The following EFCAB11 variants were observed in gnomAD, a reference collection of about 807,000 sequenced individuals.
EFCAB11 encodes the protein EF-hand calcium binding domain 11, also known as EF-hand calcium-binding domain-containing protein 11.
EFCAB11 carries 14 observed loss-of-function variants against 23.0 expected under a neutral mutation model. The ratio of observed to expected loss-of-function variants is 0.61; its 90% confidence interval spans 0.40 to 0.95. EFCAB11 has a LOEUF of 0.95. Ranked by LOEUF, EFCAB11 falls within the 40% of genes least tolerant of loss-of-function variation. EFCAB11 has a pLI of 0.00. For missense variants in EFCAB11, 198 were observed against 195.8 expected (o/e 1.01, Z -0.07); for synonymous variants, 65 against 66.6 (o/e 0.98, Z 0.11).
Position 89,951,375 on chromosome 14 carries a change from G to A in EFCAB11, c.172-1233C>T, listed in dbSNP as rs949669263. On this transcript the variant is annotated intron_variant, in intron 2 of 5. Transcript: ENST00000316738. ...GTGTTCCTAGATACTTATCAGAGTAGTCTATCTTCTCTAGTCTAAATGACC... is the reference window on the plus strand; with the variant it reads ...GTGTTCCTAGATACTTATCAGAGTAATCTATCTTCTCTAGTCTAAATGACC... 4.6e-5 allele frequency among the ~76,000 whole-genome samples: 7 copies of A among 152,226 alleles called. No individual in the cohort carries two copies. In the East Asian group the frequency reaches 1.4e-3, roughly 29 times the overall value.
At chr14:89,893,797 A>C (rs1317099156) in intron 5 of EFCAB11, among the ~76,000 whole-genome samples, 1 of 151,552 alleles carries the variant, frequency 6.6e-6, no homozygotes, top group Non-Finnish European at 1.5e-5. Flanking sequence ...AAACAAACAA[A>C]CAAAAAAAAA....
Position 89,931,592 on chromosome 14 carries a change from A to G in EFCAB11, c.359T>C (p.Phe120Ser). 1 of 1,614,128 alleles carries G rather than the reference A, an allele frequency of 6.2e-7. No homozygotes were observed. Among genetic ancestry groups the G allele is most frequent in the Non-Finnish European group, 8.5e-7 (1 of 1,180,002 alleles). ...CGGTAATTTGGGAGCCACCTGCCTAAATGCTTTTTTGAAATCTTCCAAAGT... is the reference window on the plus strand; with the variant it reads ...CGGTAATTTGGGAGCCACCTGCCTAGATGCTTTTTTGAAATCTTCCAAAGT... ...FLTLEDFKKA[F>S]RQVAPKLPER... is the part of the protein sequence containing the mutation. Residue 120 changes from phenylalanine (F) to serine (S), a missense_variant, in exon 5 of 6, where the codon TTT becomes TCT. Coordinates refer to ENST00000316738, the MANE Select transcript of EFCAB11 (RefSeq NM_145231.4).
Position 89,946,717 on chromosome 14 carries a change from G to A in EFCAB11, c.217+3380C>T, listed in dbSNP as rs1284691350. 3.3e-5 allele frequency among the ~76,000 whole-genome samples: 5 copies of A among 150,930 alleles called. No individual in the cohort carries two copies. The South Asian group carries it at 6.3e-4, about 19-fold the overall frequency. On this transcript the variant is annotated intron_variant, in intron 3 of 5. Transcript: ENST00000316738. ...CCCAGGTAGCTAAGATTACAGGCACGTGCCATCATGCCTGGCTTTTTTTTT... is the reference window on the plus strand; with the variant it reads ...CCCAGGTAGCTAAGATTACAGGCACATGCCATCATGCCTGGCTTTTTTTTT...
intron 5 of EFCAB11, among the ~76,000 whole-genome samples, chr14:89,825,374 C>T (rs1023938057): frequency 6.6e-6 from 1 of 151,872 alleles, no homozygotes; most frequent in Non-Finnish European, 1.5e-5. Context: ...GTTTTAAATG[C>T]CTACATTTGA....
intron 5 of EFCAB11, among the ~76,000 whole-genome samples, chr14:89,825,540 G>C (rs1455881595): frequency 6.6e-6 from 1 of 152,046 alleles, no homozygotes; most frequent in Admixed American, 6.6e-5. Context: ...ACTAAAAGAT[G>C]CCTCTTTAAA....
chr14:89,928,960 T>C lies in EFCAB11; in HGVS notation c.410+2581A>G, dbSNP rs1003590968. 6.7e-5 allele frequency among the ~76,000 whole-genome samples: 10 copies of C among 148,478 alleles called. No homozygotes were observed. The South Asian group carries it at 2.1e-3, about 31-fold the overall frequency. ...ATAGTTCAATATATAATTATATATATAATTCAATAGCTTTAATACATTTTC... is the reference window on the plus strand; with the variant it reads ...ATAGTTCAATATATAATTATATATACAATTCAATAGCTTTAATACATTTTC... On this transcript the variant is annotated intron_variant, in intron 5 of 5. Transcript: ENST00000316738.
Position 89,859,111 on chromosome 14 carries a change from C to T in EFCAB11, c.411-61787G>A, listed in dbSNP as rs117363750. Among the ~76,000 whole-genome samples, 421 of 152,256 alleles carry T rather than the reference C, an allele frequency of 2.8e-3. 3 individuals carry two copies. The highest frequency in any genetic ancestry group is 4.6e-3 in the Non-Finnish European group (316 of 68,024). On this transcript the variant is annotated intron_variant, in intron 5 of 5. Coordinates refer to ENST00000316738, the MANE Select transcript of EFCAB11 (RefSeq NM_145231.4). ...AATTGTAAAAATCAGGCAAATAAAG[C>T]AGAGTAGTCCTAGCCAAAATTATTA...
At chr14:89,835,472 C>A (rs1005318796) in intron 5 of EFCAB11, among the ~76,000 whole-genome samples, 12 of 151,822 alleles carry the variant, frequency 7.9e-5, no homozygotes, top group Non-Finnish European at 1.6e-4. Context: ...AAAGTTTTGA[C>A]TGCAACCAGT....
rs1290585788 is a variant in EFCAB11, at chr14:89,950,095, AC to A, written c.217+1del. On this transcript the variant is annotated splice_donor_variant, in intron 3 of 5. Coordinates refer to ENST00000316738, the MANE Select transcript of EFCAB11 (RefSeq NM_145231.4). LOFTEE classifies it high-confidence loss of function. Reference sequence around the variant, plus strand: ...AAAAATTAATATTAACTTTCATATTACCAGAAGTATTTGGATTTATTGAAGA... The same window carrying A: ...AAAAATTAATATTAACTTTCATATTACAGAAGTATTTGGATTTATTGAAGA... 5 of 1,550,684 alleles carry A rather than the reference AC, an allele frequency of 3.2e-6. No individual in the cohort carries two copies. In the Admixed American group the frequency reaches 8.8e-5, roughly 27 times the overall value.
intron 5 of EFCAB11, among the ~76,000 whole-genome samples, chr14:89,893,529 C>T (rs1889050080): frequency 6.6e-6 from 1 of 152,028 alleles, no homozygotes; most frequent in African/African-American, 2.4e-5. Context: ...TGGGAAAGGC[C>T]CTCCCTTCAG....
At chr14:89,948,220 C>T (rs1376797716) in intron 3 of EFCAB11, among the ~76,000 whole-genome samples, 1 of 152,128 alleles carries the variant, frequency 6.6e-6, no homozygotes, top group Non-Finnish European at 1.5e-5. Flanking sequence ...AAATGGCAAA[C>T]AGGCATATGT....
At chr14:89,849,897 C>T (rs2150304) in intron 5 of EFCAB11, among the ~76,000 whole-genome samples, 96,568 of 151,976 alleles carry the variant, frequency 0.64, 33,143 homozygotes, top group Non-Finnish European at 0.79. Context: ...ATAAATTCTA[C>T]GCTATCATTA....
At chr14:89,890,686 G>T (rs1263360139) in intron 5 of EFCAB11, among the ~76,000 whole-genome samples, 1 of 152,166 alleles carries the variant, frequency 6.6e-6, no homozygotes, top group Non-Finnish European at 1.5e-5. Context: ...AAAAAGAGCT[G>T]CCAGGCCAAA....
intron 3 of EFCAB11, among the ~76,000 whole-genome samples, chr14:89,933,985 T>G (rs116201180): frequency 0.034 from 5,219 of 152,040 alleles, 304 homozygotes; most frequent in African/African-American, 0.12. Context: ...GAGGCTGTTG[T>G]GTGGCAAGGT....
At chr14:89,851,834 T>C (rs1421761561) in intron 5 of EFCAB11, among the ~76,000 whole-genome samples, 1 of 152,126 alleles carries the variant, frequency 6.6e-6, no homozygotes, top group Non-Finnish European at 1.5e-5. Flanking sequence ...GGAAGAGGGA[T>C]GGCAGTTATT....
chr14:89,858,656 ATTTT>A (rs10648464), intron 5 of EFCAB11, among the ~76,000 whole-genome samples: 8 of 88,988 alleles, frequency 9.0e-5, no homozygotes, highest in Non-Finnish European at 1.5e-4. Flanking sequence ...CACCCAGCTA[ATTTT>A]TTTTTTTTTT....
At chr14:89,933,362 C>T (rs958357942) in intron 3 of EFCAB11, among the ~76,000 whole-genome samples, 1 of 152,142 alleles carries the variant, frequency 6.6e-6, no homozygotes, top group African/African-American at 2.4e-5. Flanking sequence ...CTGAGCTCTA[C>T]ATATATAAAA....
chr14:89,815,010 G>C (rs927723031), intron 5 of EFCAB11, among the ~76,000 whole-genome samples: 1 of 152,206 alleles, frequency 6.6e-6, no homozygotes, highest in Non-Finnish European at 1.5e-5. Context: ...TCAACTGCTT[G>C]ATCATTTCCA....
intron 5 of EFCAB11, among the ~76,000 whole-genome samples, chr14:89,843,534 G>A (rs1298234025): frequency 6.6e-6 from 1 of 152,170 alleles, no homozygotes; most frequent in Non-Finnish European, 1.5e-5. Context: ...AAGGGGAGGA[G>A]TATTTTCATA....
Sources: allele counts gnomAD v4.1 joint callset (sites outside exome capture counted in the v4.1 genomes callset), GRCh38; gene constraint gnomAD v4.1.1; transcripts MANE v1.5; gene names NCBI Gene and HGNC (gene_info 2026-07-23, HGNC 2026-07-21).